Variants in KIF6 observed in about 807,000 individuals in gnomAD.
KIF6 encodes kinesin family member 6.
Under a neutral mutation model 112.7 loss-of-function variants are expected in KIF6, and 106 were observed. The observed-to-expected ratio is 0.94, with a 90% CI of 0.80 to 1.11. The LOEUF (loss-of-function observed/expected upper bound fraction) is 1.11, where lower values mean the gene tolerates loss of function less well. Among genes scored for constraint, KIF6 ranks in the 50% least tolerant of loss-of-function variants. The pLI, the probability that KIF6 is intolerant of heterozygous loss-of-function variation, is 0.00. For missense variants in KIF6, 929 were observed against 964.0 expected (o/e 0.96, Z 0.48); for synonymous variants, 339 against 339.9 (o/e 1.00, Z 0.03).
intron 13 of KIF6, among the ~76,000 whole-genome samples, chr6:39,439,971 T>A (rs1771812647): frequency 6.6e-6 from 1 of 152,184 alleles, no homozygotes; most frequent in Admixed American, 6.5e-5. Flanking sequence ...AAAAGTACAA[T>A]GATGGAGAGA....
At chr6:39,356,716 G>A (rs1166615947) in intron 19 of KIF6, among the ~76,000 whole-genome samples, 2 of 152,194 alleles carry the variant, frequency 1.3e-5, no homozygotes, top group African/African-American at 2.4e-5. Context: ...GGCAGGAGGC[G>A]TGCTTCCTCG....
chr6:39,421,513 G>T (rs1174062361), intron 14 of KIF6, among the ~76,000 whole-genome samples: 2 of 152,206 alleles, frequency 1.3e-5, no homozygotes, highest in Non-Finnish European at 2.9e-5. Flanking sequence ...AGTGAGCAGA[G>T]GAGGGCATTC....
Position 39,725,304 on chromosome 6 carries a change from TCAC to T in KIF6, c.4_6del (p.Val2del). On this transcript the variant is annotated inframe_deletion, in exon 1 of 23. Transcript: ENST00000287152. ...CTCGCGAATATCTGGATAGTCTGCTTCACCATCTCCTCCCTGGCTCTGCAATGA... is the reference window on the plus strand; with the variant it reads ...CTCGCGAATATCTGGATAGTCTGCTTCATCTCCTCCCTGGCTCTGCAATGA... 2 of 1,608,336 alleles carry T rather than the reference TCAC, an allele frequency of 1.2e-6. No homozygotes were observed. Among genetic ancestry groups the T allele is most frequent in the South Asian group, 2.2e-5 (2 of 90,178 alleles).
intron 13 of KIF6, chr6:39,431,426 G>C: frequency 5.8e-6 from 2 of 344,580 alleles, no homozygotes; most frequent in Non-Finnish European, 1.1e-5. Flanking sequence ...TGCCTGCTCG[G>C]GGGAAATGAA....
At chr6:39,603,551 T>A (rs566770183) in intron 6 of KIF6, among the ~76,000 whole-genome samples, 2 of 151,884 alleles carry the variant, frequency 1.3e-5, no homozygotes, top group East Asian at 3.9e-4. Flanking sequence ...GGGGGGTGTG[T>A]GTGTGTGCGT....
intron 3 of KIF6, chr6:39,690,505 C>T (rs1334539025): frequency 6.6e-6 from 1 of 151,504 alleles, no homozygotes; most frequent in African/African-American, 2.4e-5. Context: ...GAGCAGGAGG[C>T]TGGGTGGGCA....
At chr6:39,559,438 G>A (rs556897836) in intron 10 of KIF6, among the ~76,000 whole-genome samples, 16 of 152,128 alleles carry the variant, frequency 1.1e-4, no homozygotes, top group Non-Finnish European at 1.6e-4. Context: ...TTTGAATTAC[G>A]TGACTTCTGC....
intron 10 of KIF6, among the ~76,000 whole-genome samples, chr6:39,576,915 A>C (rs1192304787): frequency 6.6e-6 from 1 of 152,228 alleles, no homozygotes; most frequent in African/African-American, 2.4e-5. Context: ...AATTCTGAAG[A>C]GACATTTTCA....
At chr6:39,631,998 C>T (rs1170307224) in intron 5 of KIF6, among the ~76,000 whole-genome samples, 1 of 152,002 alleles carries the variant, frequency 6.6e-6, no homozygotes, top group Admixed American at 6.6e-5. Flanking sequence ...GGTTTAATCA[C>T]CTTTGATTGT....
chr6:39,584,733 G>A (rs1034124829), intron 9 of KIF6, among the ~76,000 whole-genome samples, 165 bp downstream of exon 9: 4 of 152,110 alleles, frequency 2.6e-5, no homozygotes, highest in South Asian at 4.1e-4. Flanking sequence ...CTTTAAGGTG[G>A]AGATAGAGAT....
intron 13 of KIF6, among the ~76,000 whole-genome samples, chr6:39,476,827 A>C (rs1581937951): frequency 6.6e-6 from 1 of 152,344 alleles, no homozygotes; most frequent in South Asian, 2.1e-4. Context: ...TAATCTTTGA[A>C]CATCTGTATG....
At chr6:39,482,967 T>G (rs1389486558) in intron 13 of KIF6, among the ~76,000 whole-genome samples, 2 of 152,228 alleles carry the variant, frequency 1.3e-5, no homozygotes, top group Non-Finnish European at 2.9e-5. Context: ...CCAGGCTTCT[T>G]CTCTCCCGAT....
chr6:39,708,310 A>G (rs565972141), intron 3 of KIF6, among the ~76,000 whole-genome samples: 1 of 152,348 alleles, frequency 6.6e-6, no homozygotes, highest in African/African-American at 2.4e-5. Flanking sequence ...CTGAGAGGGT[A>G]GCGTCCCTTT....
At chr6:39,592,499 G>A (rs530436515) in intron 7 of KIF6, among the ~76,000 whole-genome samples, 1 of 152,300 alleles carries the variant, frequency 6.6e-6, no homozygotes, top group Admixed American at 6.5e-5. Context: ...TTGAATAAAT[G>A]GCTGAAGGCA....
At chr6:39,671,336 C>T (rs1786805852) in intron 3 of KIF6, among the ~76,000 whole-genome samples, 1 of 152,192 alleles carries the variant, frequency 6.6e-6, no homozygotes. Context: ...TTGGATTTTG[C>T]TGTTTTCATC....
intron 10 of KIF6, among the ~76,000 whole-genome samples, chr6:39,577,799 A>G (rs1010488485): frequency 2.0e-5 from 3 of 152,146 alleles, no homozygotes; most frequent in African/African-American, 7.2e-5. Flanking sequence ...CCTTTTCTTC[A>G]GCTGGCATGA....
intron 6 of KIF6, among the ~76,000 whole-genome samples, chr6:39,607,318 A>G (rs962845679): frequency 3.3e-5 from 5 of 152,290 alleles, no homozygotes; most frequent in Admixed American, 2.0e-4. Flanking sequence ...ATACCATTAA[A>G]TCAGGTTAGA....
chr6:39,660,704 T>G (rs1216103797), intron 3 of KIF6, among the ~76,000 whole-genome samples: 2 of 152,196 alleles, frequency 1.3e-5, no homozygotes, highest in Non-Finnish European at 2.9e-5. Context: ...GTCAGCACTG[T>G]GCCCCTCATA....
At chr6:39,709,542 G>A (rs373439823) in intron 3 of KIF6, among the ~76,000 whole-genome samples, 3 of 152,282 alleles carry the variant, frequency 2.0e-5, no homozygotes, top group South Asian at 2.1e-4. Context: ...GACTGGTACC[G>A]GTGCATGGCC....
Sources: gnomAD v4.1 joint callset for allele counts (sites outside exome capture counted in the v4.1 genomes callset) on GRCh38, gnomAD v4.1.1 for gene constraint, MANE v1.5 for transcripts, NCBI Gene and HGNC (gene_info 2026-07-23, HGNC 2026-07-21) for gene names.